Variants in MNAT1 observed in about 807,000 individuals in gnomAD.
MNAT1 encodes the protein CDK-activating kinase assembly factor MAT1.
MNAT1 carries 43 observed loss-of-function variants against 42.0 expected under a neutral mutation model. The observed-to-expected ratio is 1.02, with a 90% CI of 0.80 to 1.32. MNAT1 has a LOEUF of 1.32. Among genes scored for constraint, MNAT1 ranks in the 40% most tolerant of loss-of-function variants. The pLI is 0.00. For missense variants in MNAT1, 306 were observed against 350.4 expected, an observed-to-expected ratio of 0.87 and a Z score of 1.01; for synonymous variants, 118 against 120.0, an observed-to-expected ratio of 0.98 and a Z score of 0.11.
At chr14:60,804,404 T>C (rs1357107137) in intron 3 of MNAT1, among the ~76,000 whole-genome samples, 4 of 152,238 alleles carry the variant, frequency 2.6e-5, no homozygotes, top group Non-Finnish European at 5.9e-5. Context: ...AGGAAGAGAC[T>C]TGTATTATCT....
At position 60,839,293 on chromosome 14, in the gene MNAT1, AGAC is replaced by A. The variant is rs538896946; in HGVS notation, c.687+20447_687+20449del. On this transcript the variant is annotated intron_variant, in intron 6 of 7. Transcript: ENST00000261245. ...GCCCATAAAAATCCCAGACCCAGCC[AGAC>A]TCACACAGACGTTGGGACTACCAGC... Among the ~76,000 whole-genome samples, 24 of 152,308 alleles carry A rather than the reference AGAC, an allele frequency of 1.6e-4. 1 individual carries two copies. The South Asian group carries it at 4.8e-3, about 30-fold the overall frequency.
intron 7 of MNAT1, among the ~76,000 whole-genome samples, chr14:60,912,650 C>A (rs945862028): frequency 6.6e-6 from 1 of 152,134 alleles, no homozygotes; most frequent in Non-Finnish European, 1.5e-5. Flanking sequence ...AATATTGGCC[C>A]CCACTGTCTT....
At chr14:60,769,174 T>A (rs1400595847) in intron 1 of MNAT1, among the ~76,000 whole-genome samples, 1 of 152,178 alleles carries the variant, frequency 6.6e-6, no homozygotes, top group East Asian at 1.9e-4. Flanking sequence ...TTTTCTTTTC[T>A]TCATAGATTG....
intron 1 of MNAT1, among the ~76,000 whole-genome samples, chr14:60,763,841 G>GA (rs976543491): frequency 1.1e-4 from 17 of 152,282 alleles, no homozygotes; most frequent in Admixed American, 9.8e-4. Flanking sequence ...CACAGTGATG[G>GA]AAAAATGATT....
rs151119759 is a variant in MNAT1, at chr14:60,771,682, A to C, written c.90-24535A>C. The stretch of plus-strand genomic sequence containing the variant: ...CCTCACTCTCTCTACTATCCTGAGC[A>C]CTTTTCACCCTGCCCTACATTTTCT... On this transcript the variant is annotated intron_variant, in intron 1 of 7. Coordinates refer to ENST00000261245, the MANE Select transcript of MNAT1 (RefSeq NM_002431.4). 1.7e-3 allele frequency among the ~76,000 whole-genome samples: 263 copies of C among 152,252 alleles called. 1 individual carries two copies. Among genetic ancestry groups the C allele is most frequent in the African/African-American group, 5.6e-3 (233 of 41,550 alleles).
intron 3 of MNAT1, among the ~76,000 whole-genome samples, chr14:60,807,176 A>G (rs1209849827): frequency 1.3e-5 from 2 of 152,234 alleles, no homozygotes; most frequent in African/African-American, 4.8e-5. Flanking sequence ...ATGTTCTGAA[A>G]TAAGTTGGCC....
chr14:60,935,895 C>T (rs569762821), intron 7 of MNAT1, among the ~76,000 whole-genome samples: 2 of 152,092 alleles, frequency 1.3e-5, no homozygotes, highest in Non-Finnish European at 2.9e-5. Context: ...TGTCACGCAA[C>T]CAGGGAAATT....
At chr14:60,751,315 G>A (rs2030083241) in intron 1 of MNAT1, among the ~76,000 whole-genome samples, 1 of 151,862 alleles carries the variant, frequency 6.6e-6, no homozygotes, top group African/African-American at 2.4e-5. Flanking sequence ...TCATGCATAA[G>A]ATGAAAAAAC....
intron 6 of MNAT1, among the ~76,000 whole-genome samples, chr14:60,826,201 GA>G (rs2033048442): frequency 1.3e-5 from 2 of 152,038 alleles, no homozygotes; most frequent in African/African-American, 4.8e-5. Flanking sequence ...AACTGTCAGG[GA>G]GTGGAGTAAT....
chr14:60,781,236 AGTT>A (rs2031450072), intron 1 of MNAT1, among the ~76,000 whole-genome samples: 1 of 152,100 alleles, frequency 6.6e-6, no homozygotes, highest in African/African-American at 2.4e-5. Flanking sequence ...TATAAAATCA[AGTT>A]TTAAGTGAGG....
At chr14:60,954,419 C>T (rs2036442086) in intron 7 of MNAT1, among the ~76,000 whole-genome samples, 2 of 151,998 alleles carry the variant, frequency 1.3e-5, no homozygotes, top group Non-Finnish European at 2.9e-5. Context: ...TTATAGTTTT[C>T]AGTGTATAGA....
chr14:60,910,554 A>C (rs1014980201), intron 7 of MNAT1, among the ~76,000 whole-genome samples: 2 of 152,222 alleles, frequency 1.3e-5, no homozygotes, highest in African/African-American at 4.8e-5. Context: ...GAATTTTGTC[A>C]AAAGCCTTTT....
intron 7 of MNAT1, among the ~76,000 whole-genome samples, chr14:60,884,916 C>T (rs1036822603): frequency 3.9e-5 from 6 of 151,956 alleles, no homozygotes; most frequent in South Asian, 4.2e-4. Flanking sequence ...TTTGTTTGTC[C>T]GGGAAAGTCT....
At chr14:60,951,123 A>G (rs1419444632) in intron 7 of MNAT1, among the ~76,000 whole-genome samples, 2 of 152,190 alleles carry the variant, frequency 1.3e-5, no homozygotes, top group Non-Finnish European at 2.9e-5. Context: ...AGAAGCACAG[A>G]GAGTAATATA....
chr14:60,942,707 A>G (rs1350465611), intron 7 of MNAT1, among the ~76,000 whole-genome samples: 1 of 152,114 alleles, frequency 6.6e-6, no homozygotes, highest in Non-Finnish European at 1.5e-5. Flanking sequence ...AGTAGATACA[A>G]GTTTGCAATA....
At chr14:60,888,174 AT>A (rs1158182965) in intron 7 of MNAT1, among the ~76,000 whole-genome samples, 6 of 139,994 alleles carry the variant, frequency 4.3e-5, no homozygotes, top group South Asian at 2.5e-4. Context: ...AATATCCTTG[AT>A]GAACATTGAT....
intron 7 of MNAT1, among the ~76,000 whole-genome samples, chr14:60,938,450 T>C (rs1320975809): frequency 3.3e-5 from 5 of 152,214 alleles, no homozygotes; most frequent in African/African-American, 1.2e-4. Context: ...TTGTTGAGTT[T>C]TGTCAAAGGC....
intron 7 of MNAT1, among the ~76,000 whole-genome samples, chr14:60,915,008 G>C (rs1243225262): frequency 6.6e-6 from 1 of 152,204 alleles, no homozygotes; most frequent in Non-Finnish European, 1.5e-5. Flanking sequence ...ATTTCAAGGT[G>C]AGAGAAGATG....
intron 7 of MNAT1, among the ~76,000 whole-genome samples, chr14:60,964,019 G>A (rs929104977): frequency 1.3e-5 from 2 of 152,114 alleles, no homozygotes; most frequent in Non-Finnish European, 2.9e-5. Flanking sequence ...CTGAGTCCAA[G>A]ACTTCAGCCA....
Sources: gnomAD v4.1 joint callset for allele counts (sites outside exome capture counted in the v4.1 genomes callset) on GRCh38, gnomAD v4.1.1 for gene constraint, MANE v1.5 for transcripts, NCBI Gene and HGNC (gene_info 2026-07-23, HGNC 2026-07-21) for gene names.